Variants in BTAF1 observed in about 807,000 individuals in gnomAD.
The protein encoded by BTAF1 is TATA-binding protein-associated factor 172.
In BTAF1, 38 loss-of-function variants were observed where a neutral mutation model predicts 227.1. That is an observed-to-expected ratio of 0.17 (90% CI 0.13 to 0.22). The LOEUF (loss-of-function observed/expected upper bound fraction) is 0.22. Among genes scored for constraint, BTAF1 ranks in the 10% least tolerant of loss-of-function variants. BTAF1 has a pLI of 1.00. For synonymous variants in BTAF1, 742 were observed against 751.9 expected (o/e 0.99, Z 0.21); for missense variants, 1,598 against 2,204.0 (o/e 0.73, Z 5.51).
At chr10:91,925,987 T>C (rs775196757) in intron 1 of BTAF1, among the ~76,000 whole-genome samples, 3 of 152,190 alleles carry the variant, frequency 2.0e-5, no homozygotes, top group Non-Finnish European at 2.9e-5. Context: ...GAAGAGCTAT[T>C]TCTGTGCTTA....
chr10:91,974,800 C>T (rs1411973807), intron 14 of BTAF1, among the ~76,000 whole-genome samples: 2 of 151,992 alleles, frequency 1.3e-5, no homozygotes, highest in African/African-American at 2.4e-5. Context: ...TGCAATGAGC[C>T]GAGAGATTGC....
At chr10:91,931,362 G>A (rs1844264473) in intron 1 of BTAF1, among the ~76,000 whole-genome samples, 1 of 152,096 alleles carries the variant, frequency 6.6e-6, no homozygotes, top group Non-Finnish European at 1.5e-5. Flanking sequence ...ATTTTCTTAT[G>A]TTTTACTTAT....
intron 1 of BTAF1, among the ~76,000 whole-genome samples, chr10:91,926,670 C>G (rs941729820): frequency 3.9e-5 from 6 of 152,200 alleles, no homozygotes; most frequent in Non-Finnish European, 7.3e-5. Flanking sequence ...TACTCATCTC[C>G]TTGAACATTG....
At chr10:92,021,678 A>G (rs2421796) in intron 34 of BTAF1, among the ~76,000 whole-genome samples, 21,203 of 151,842 alleles carry the variant, frequency 0.14, 1,608 homozygotes, top group Middle Eastern at 0.2. Flanking sequence ...AGTAGCTGGG[A>G]CTGTAGATGC....
At chr10:91,955,097 A>G (rs1037196624) in intron 6 of BTAF1, among the ~76,000 whole-genome samples, 1 of 152,254 alleles carries the variant, frequency 6.6e-6, no homozygotes, top group Non-Finnish European at 1.5e-5. Flanking sequence ...ACTTGAGGGT[A>G]AATCTTTAAC....
At position 92,029,979 on chromosome 10, in the gene BTAF1, G is replaced by C. The variant is rs893121284; in HGVS notation, c.*1046G>C. The C allele has an allele frequency of 3.3e-5, 5 of 152,438 alleles. No homozygotes were observed. Among genetic ancestry groups the C allele is most frequent in the African/African-American group, 7.2e-5 (3 of 41,418 alleles). 9.4% of individuals were successfully genotyped at this position (152,438 alleles called of 1,614,324 possible). ...ATGAGGCTGATTACTCAATGGTGAG[G>C]GTAGGTATATGTAGATAGATGTGCA... On this transcript the variant is annotated 3_prime_UTR_variant, in exon 38 of 38. Transcript: ENST00000265990.
intron 5 of BTAF1, among the ~76,000 whole-genome samples, chr10:91,953,417 ATAT>A (rs1202825406): frequency 6.6e-6 from 1 of 151,934 alleles, no homozygotes; most frequent in Non-Finnish European, 1.5e-5. Context: ...CTTTTTGGTG[ATAT>A]TATTTTTATT....
intron 15 of BTAF1, among the ~76,000 whole-genome samples, chr10:91,981,107 C>T (rs1283619178): frequency 6.6e-6 from 1 of 152,082 alleles, no homozygotes; most frequent in Non-Finnish European, 1.5e-5. Flanking sequence ...TGTTAACAAC[C>T]TTGGATTAAC....
intron 34 of BTAF1, among the ~76,000 whole-genome samples, chr10:92,019,934 C>A (rs1343111047): frequency 4.7e-5 from 7 of 147,408 alleles, no homozygotes; most frequent in Non-Finnish European, 1.0e-4. Flanking sequence ...GTTGCCCAGG[C>A]TGGTCTTGAA....
At chr10:91,934,240 AT>A (rs968062109) in intron 1 of BTAF1, among the ~76,000 whole-genome samples, 38 of 146,950 alleles carry the variant, frequency 2.6e-4, no homozygotes, top group Middle Eastern at 3.5e-3. Flanking sequence ...TTTTGATTTA[AT>A]TTTTTTTTTT....
chr10:91,963,524 C>T (rs1846674671), intron 12 of BTAF1, among the ~76,000 whole-genome samples: 1 of 152,130 alleles, frequency 6.6e-6, no homozygotes, highest in Non-Finnish European at 1.5e-5. Context: ...CAGTCTTGGC[C>T]TTCCAGAGTG....
At position 91,951,576 on chromosome 10, in the gene BTAF1, A is replaced by C. The variant is rs1189152500; in HGVS notation, c.564+10A>C. On this transcript the variant is annotated intron_variant, in intron 5 of 37. Transcript: ENST00000265990. ...TGTTAACAAACAACCTGTAGGTAAA[A>C]CGTTTGGTTATTTGATTGCAAGTAA... The C allele has an allele frequency of 1.3e-6, 2 of 1,570,600 alleles. No individual in the cohort carries two copies. The highest frequency in any genetic ancestry group is 1.7e-6 in the Non-Finnish European group (2 of 1,164,142).
intron 4 of BTAF1, among the ~76,000 whole-genome samples, chr10:91,946,862 CAG>C (rs1187382706): frequency 1.3e-5 from 2 of 148,414 alleles, no homozygotes; most frequent in African/African-American, 2.5e-5. Flanking sequence ...TTTTTTGAGA[CAG>C]AGTCTCACTC....
chr10:91,964,082 C>A lies in BTAF1; in HGVS notation c.1410C>A (p.Pro470=). 1 of 1,612,730 alleles carries A rather than the reference C, an allele frequency of 6.2e-7. No individual in the cohort carries two copies. Among genetic ancestry groups the A allele is most frequent in the South Asian group, 1.1e-5 (1 of 90,962 alleles). ...CTTGAAAACTGATCTTATAGGTGCC[C>A]TTCATTATAAATACATTGTGGGATG... ...SLVYLQTQKV[P]FIINTLWDAL... is the part of the protein sequence containing the mutation. Residue 470 remains proline, a synonymous_variant, in exon 13 of 38, where the codon CCC becomes CCA. Coordinates refer to ENST00000265990, the MANE Select transcript of BTAF1 (RefSeq NM_003972.3).
Position 91,963,955 on chromosome 10 carries a change from G to A in BTAF1, c.1405-122G>A, listed in dbSNP as rs999077828. 3.2e-5 allele frequency: 35 copies of A among 1,079,420 alleles called. No homozygotes were observed. The Admixed American group carries it at 3.4e-4, about 10-fold the overall frequency. 66.9% of individuals were successfully genotyped at this position (1,079,420 alleles called of 1,614,324 possible). A position where few individuals can be genotyped will look rare whatever the true frequency, so the allele number is the denominator to read the frequency against. On this transcript the variant is annotated intron_variant, in intron 12 of 37. Coordinates refer to ENST00000265990, the MANE Select transcript of BTAF1 (RefSeq NM_003972.3). ...CTTAACTTTACTCAAAATTGACACC[G>A]TCCAAGGTCATTGGAATTGCATGTG...
At chr10:91,982,363 A>T (rs918350438) in intron 17 of BTAF1, 138 bp downstream of exon 17, 6 of 1,225,730 alleles carry the variant, frequency 4.9e-6, no homozygotes, top group Non-Finnish European at 6.7e-6. Context: ...CTAAGGAAAA[A>T]TTAGAGTAAG....
At chr10:92,024,309 C>T (rs1194391178) in intron 34 of BTAF1, among the ~76,000 whole-genome samples, 1 of 152,190 alleles carries the variant, frequency 6.6e-6, no homozygotes, top group Non-Finnish European at 1.5e-5. Context: ...TCTGCGGCAT[C>T]TTCTTTGTCA....
intron 25 of BTAF1, among the ~76,000 whole-genome samples, chr10:91,999,881 T>C (rs758773376): frequency 5.4e-4 from 82 of 152,150 alleles, no homozygotes; most frequent in Admixed American, 2.9e-3. Flanking sequence ...AGAAACTTGG[T>C]GATAAAGGTA....
chr10:92,007,664 G>C (rs927253821), intron 25 of BTAF1, among the ~76,000 whole-genome samples: 1 of 152,158 alleles, frequency 6.6e-6, no homozygotes, highest in African/African-American at 2.4e-5. Flanking sequence ...GGTAACTTTT[G>C]TAACATCTAC....
Sources: gnomAD v4.1 joint callset for allele counts (sites outside exome capture counted in the v4.1 genomes callset) on GRCh38, gnomAD v4.1.1 for gene constraint, MANE v1.5 for transcripts, NCBI Gene and HGNC (gene_info 2026-07-23, HGNC 2026-07-21) for gene names.